Variants in NPAS3 observed in about 807,000 individuals in gnomAD.
NPAS3 encodes neuronal PAS domain-containing protein 3.
NPAS3 carries 14 observed loss-of-function variants against 73.1 expected under a neutral mutation model. That is an observed-to-expected ratio of 0.19 (90% confidence interval 0.13 to 0.30). The LOEUF is 0.30. NPAS3 is among the 10% of genes least tolerant of loss of function. The pLI, the probability that NPAS3 is intolerant of heterozygous loss-of-function variation, is 1.00. For synonymous variants in NPAS3, 620 were observed against 541.5 expected (o/e 1.14, Z -2.01); for missense variants, 1,096 against 1,250.0 (o/e 0.88, Z 1.86).
chr14:33,777,568 A>G (rs2138502916), intron 8 of NPAS3, among the ~76,000 whole-genome samples: 1 of 152,298 alleles, frequency 6.6e-6, no homozygotes, highest in Middle Eastern at 3.4e-3. Flanking sequence ...CATAAAAAAA[A>G]AAAACACATG....
At chr14:33,506,316 C>A (rs1446539940) in intron 4 of NPAS3, among the ~76,000 whole-genome samples, 1 of 151,930 alleles carries the variant, frequency 6.6e-6, no homozygotes, top group Non-Finnish European at 1.5e-5. Flanking sequence ...AGCTTAACTA[C>A]AGAAGCAGGA....
intron 4 of NPAS3, among the ~76,000 whole-genome samples, chr14:33,369,871 G>A (rs1006076364): frequency 3.9e-5 from 6 of 152,116 alleles, no homozygotes; most frequent in Admixed American, 1.3e-4. Context: ...TCTGTACCAT[G>A]TTCAACAATA....
chr14:33,185,037 G>A (rs2045932777), intron 2 of NPAS3, among the ~76,000 whole-genome samples: 1 of 152,170 alleles, frequency 6.6e-6, no homozygotes, highest in Non-Finnish European at 1.5e-5. Flanking sequence ...ATGAATGAAT[G>A]AAACAGGAAT....
chr14:33,760,401 G>A (rs1048162657), intron 7 of NPAS3, among the ~76,000 whole-genome samples: 1 of 152,158 alleles, frequency 6.6e-6, no homozygotes, highest in Non-Finnish European at 1.5e-5. Context: ...AATAGCGCCT[G>A]GCAATAAATT....
chr14:33,769,482 A>G (rs1226904327), intron 7 of NPAS3, among the ~76,000 whole-genome samples: 1 of 152,144 alleles, frequency 6.6e-6, no homozygotes, highest in Non-Finnish European at 1.5e-5. Flanking sequence ...CCCATTGCCA[A>G]TTTCCATTGA....
intron 4 of NPAS3, among the ~76,000 whole-genome samples, chr14:33,558,373 G>A (rs927382537): frequency 2.0e-5 from 3 of 151,888 alleles, no homozygotes; most frequent in African/African-American, 7.3e-5. Context: ...TGATTCTTGT[G>A]CCTCATCCTC....
chr14:32,962,569 CTTTTTTT>C (rs71432096), intron 1 of NPAS3, among the ~76,000 whole-genome samples: 1 of 110,612 alleles, frequency 9.0e-6, no homozygotes, highest in South Asian at 3.2e-4. Flanking sequence ...TTTTTCTTTT[CTTTTTTT>C]TTTTTTTTTT....
At chr14:33,437,867 C>A (rs149553392) in intron 4 of NPAS3, among the ~76,000 whole-genome samples, 6 of 152,254 alleles carry the variant, frequency 3.9e-5, no homozygotes, top group African/African-American at 1.4e-4. Context: ...AATTTGCCAG[C>A]CTCTCACCAA....
intron 3 of NPAS3, among the ~76,000 whole-genome samples, chr14:33,258,858 G>A (rs1202283990): frequency 1.3e-5 from 2 of 152,128 alleles, no homozygotes; most frequent in Non-Finnish European, 2.9e-5. Context: ...CTGTCACCAA[G>A]GCTGGAGTGC....
intron 4 of NPAS3, among the ~76,000 whole-genome samples, chr14:33,538,682 G>A (rs969266389): frequency 3.9e-5 from 6 of 152,168 alleles, no homozygotes; most frequent in African/African-American, 1.4e-4. Context: ...CTAGGAGAGT[G>A]GCATCCCGTT....
At chr14:33,430,207 A>G (rs924265883) in intron 4 of NPAS3, among the ~76,000 whole-genome samples, 3 of 152,180 alleles carry the variant, frequency 2.0e-5, no homozygotes, top group Non-Finnish European at 4.4e-5. Flanking sequence ...TAGGACAAAG[A>G]GCAGACCCAG....
intron 1 of NPAS3, among the ~76,000 whole-genome samples, chr14:32,992,838 T>C (rs2038390253): frequency 6.6e-6 from 1 of 152,050 alleles, no homozygotes; most frequent in South Asian, 2.1e-4. Flanking sequence ...GACCGTGATA[T>C]GGAGCTGGTT....
intron 4 of NPAS3, among the ~76,000 whole-genome samples, chr14:33,528,493 G>C (rs2053900935): frequency 6.6e-6 from 1 of 152,020 alleles, no homozygotes; most frequent in South Asian, 2.1e-4. Context: ...ACATAACAAA[G>C]AGGAGGGAGT....
intron 4 of NPAS3, among the ~76,000 whole-genome samples, chr14:33,394,648 T>G (rs1334234767): frequency 6.6e-6 from 1 of 152,174 alleles, no homozygotes; most frequent in Admixed American, 6.6e-5. Context: ...CATGTATCAT[T>G]TTTCCATATT....
chr14:33,517,962 T>A (rs2053381137), intron 4 of NPAS3, among the ~76,000 whole-genome samples: 1 of 151,998 alleles, frequency 6.6e-6, no homozygotes, highest in Non-Finnish European at 1.5e-5. Context: ...CCAATATAGG[T>A]GCCCTCCTGC....
intron 6 of NPAS3, among the ~76,000 whole-genome samples, chr14:33,719,266 G>A (rs2061040500): frequency 6.6e-6 from 1 of 152,158 alleles, no homozygotes; most frequent in Non-Finnish European, 1.5e-5. Flanking sequence ...ATTCCAGGAT[G>A]GGATTTGCTG....
intron 4 of NPAS3, among the ~76,000 whole-genome samples, chr14:33,467,143 A>C (rs1418736803): frequency 6.6e-6 from 1 of 152,170 alleles, no homozygotes; most frequent in Non-Finnish European, 1.5e-5. Context: ...TGCGCTGCTC[A>C]CTGGGGATGT....
intron 2 of NPAS3, among the ~76,000 whole-genome samples, chr14:33,058,744 T>C (rs1251854124): frequency 6.6e-6 from 1 of 152,248 alleles, no homozygotes; most frequent in Non-Finnish European, 1.5e-5. Context: ...TACATATAAC[T>C]GCACATATGT....
chr14:33,573,170 A>G lies in NPAS3; in HGVS notation c.558+12960A>G, dbSNP rs367862911. 1.7e-4 allele frequency among the ~76,000 whole-genome samples: 26 copies of G among 152,322 alleles called. No homozygotes were observed. In the East Asian group the frequency reaches 4.2e-3, roughly 25 times the overall value. On this transcript the variant is annotated intron_variant, in intron 5 of 11. Coordinates refer to ENST00000356141, the Ensembl canonical transcript of NPAS3. ...ATTCCAACATTCAATAGTAGGGCCA[A>G]GTAATCAATAAAACAGGTCCAAACC...
Sources: allele counts gnomAD v4.1 joint callset (sites outside exome capture counted in the v4.1 genomes callset), GRCh38; gene constraint gnomAD v4.1.1; transcripts MANE v1.5; gene names NCBI Gene and HGNC (gene_info 2026-07-23, HGNC 2026-07-21).